UXS1: variants seen among roughly 807,000 people sequenced by gnomAD.
UXS1 encodes the protein UDP-glucuronate decarboxylase 1, also known as UDP-glucuronic acid decarboxylase 1.
In UXS1, 33 loss-of-function variants were observed where a neutral mutation model predicts 62.6. The observed-to-expected ratio is 0.53, with a 90% CI of 0.40 to 0.70. The LOEUF (loss-of-function observed/expected upper bound fraction) is 0.70, where lower values mean the gene tolerates loss of function less well. Ranked by LOEUF, UXS1 falls within the 30% of genes least tolerant of loss-of-function variation. The pLI is 0.00. For missense variants in UXS1, 434 were observed against 556.3 expected (o/e 0.78, Z 2.21); for synonymous variants, 213 against 206.8 (o/e 1.03, Z -0.26).
intron 6 of UXS1, among the ~76,000 whole-genome samples, chr2:106,139,753 T>A (rs1304245169): frequency 3.3e-5 from 5 of 152,222 alleles, no homozygotes; most frequent in Non-Finnish European, 7.3e-5. Context: ...CCATGCTGTA[T>A]GAAACTGCCA....
chr2:106,144,852 C>T (rs1681433183), intron 6 of UXS1, among the ~76,000 whole-genome samples: 1 of 152,182 alleles, frequency 6.6e-6, no homozygotes. Flanking sequence ...CCTCCTAATA[C>T]CATCACTGTG....
chr2:106,142,912 TG>T (rs1681236572), intron 6 of UXS1, among the ~76,000 whole-genome samples: 1 of 135,304 alleles, frequency 7.4e-6, no homozygotes, highest in African/African-American at 2.7e-5. Context: ...TGGGTGTGTG[TG>T]TTTGCATGTA....
In UXS1 at chr2:106,127,861, C is replaced by A. The variant is rs139461518; in HGVS notation, c.577+1813G>T. ...ATTCAATCTCAGTCATAGCTCAAGC[C>A]CTAGCTCGAGTCATTTTTGCCTTTA... On this transcript the variant is annotated intron_variant, in intron 7 of 14. Coordinates refer to ENST00000283148, the MANE Select transcript of UXS1 (RefSeq NM_001253875.2). Among the ~76,000 whole-genome samples the A allele has an allele frequency of 5.6e-3, 846 of 152,298 alleles. 13 individuals are homozygous for A. Among genetic ancestry groups the A allele is most frequent in the African/African-American group, 0.02 (813 of 41,546 alleles).
intron 5 of UXS1, chr2:106,145,624 T>C (rs998333278): frequency 9.0e-5 from 34 of 376,388 alleles, no homozygotes; most frequent in African/African-American, 2.5e-4. Flanking sequence ...AGAAAAATCA[T>C]AGTTACAAAT....
At chr2:106,191,046 A>AG (rs369344589) in intron 1 of UXS1, among the ~76,000 whole-genome samples, 4 of 152,150 alleles carry the variant, frequency 2.6e-5, no homozygotes, top group African/African-American at 4.8e-5. Flanking sequence ...GATTTCATTG[A>AG]GAAAAAAAAG....
Position 106,096,792 on chromosome 2 carries a change from C to T in UXS1, c.1072G>A (p.Glu358Lys), listed in dbSNP as rs1558668575. Residue 358 changes from glutamate to lysine, a missense_variant, in exon 14 of 15, where the codon GAA becomes AAA. Coordinates refer to ENST00000283148, the MANE Select transcript of UXS1 (RefSeq NM_001253875.2). ...GSGSEIQFLS[E>K]AQDDPQKRKP... ...CTTTTCTGTGGGTCATCCTGGGCTT[C>T]GGAGAGAAACTGAATTTCACTTCCG... 10 of 1,591,492 alleles carry T rather than the reference C, an allele frequency of 6.3e-6. No homozygotes were observed. Among genetic ancestry groups the T allele is most frequent in the East Asian group, 2.3e-5 (1 of 44,316 alleles).
At chr2:106,111,358 C>G (rs757584586) in intron 10 of UXS1, among the ~76,000 whole-genome samples, 12 of 152,156 alleles carry the variant, frequency 7.9e-5, no homozygotes, top group Non-Finnish European at 1.5e-4. Flanking sequence ...CTGGCATGGG[C>G]TGTTGGGAGC....
intron 1 of UXS1, among the ~76,000 whole-genome samples, chr2:106,190,756 A>AAAG (rs1234616300): frequency 1.3e-4 from 19 of 151,430 alleles, no homozygotes; most frequent in Admixed American, 5.3e-4. Flanking sequence ...AAAAAAAAAA[A>AAAG]AAAGAAATGA....
chr2:106,180,931 G>C lies in UXS1; in HGVS notation c.94+13217C>G, dbSNP rs535724473. On this transcript the variant is annotated intron_variant, in intron 1 of 14. Coordinates refer to ENST00000283148, the MANE Select transcript of UXS1 (RefSeq NM_001253875.2). Reference sequence around the variant, plus strand: ...TCTTTTGCCTTTTTCTACTTAAAGAGATGTAGGCTCCACCTAAGGATATGT... The same window carrying C: ...TCTTTTGCCTTTTTCTACTTAAAGACATGTAGGCTCCACCTAAGGATATGT... Among the ~76,000 whole-genome samples, 21 of 152,278 alleles carry C rather than the reference G, an allele frequency of 1.4e-4. 1 individual carries two copies. Among genetic ancestry groups the C allele is most frequent in the African/African-American group, 3.8e-4 (16 of 41,562 alleles).
intron 5 of UXS1, among the ~76,000 whole-genome samples, chr2:106,151,007 G>A (rs1410688941): frequency 6.6e-6 from 1 of 152,206 alleles, no homozygotes; most frequent in Admixed American, 6.5e-5. Context: ...CTTGGGACCA[G>A]TTACCCTGTT....
chr2:106,171,404 T>G (rs73951240), intron 1 of UXS1, among the ~76,000 whole-genome samples: 195 of 152,336 alleles, frequency 1.3e-3, no homozygotes, highest in African/African-American at 4.5e-3. Context: ...TGGATCTCCA[T>G]GGATCCCTGA....
At chr2:106,158,496 T>A (rs918849580) in intron 4 of UXS1, among the ~76,000 whole-genome samples, 6 of 152,192 alleles carry the variant, frequency 3.9e-5, no homozygotes, top group African/African-American at 4.8e-5. Flanking sequence ...ATGAGAGAAA[T>A]CTAATATGAC....
chr2:106,126,388 G>A (rs1327048356), intron 7 of UXS1, among the ~76,000 whole-genome samples: 2 of 52,830 alleles, frequency 3.8e-5, no homozygotes, highest in Non-Finnish European at 1.3e-4. Flanking sequence ...CTTAAGACAG[G>A]CGACATACCC....
intron 9 of UXS1, among the ~76,000 whole-genome samples, chr2:106,114,864 C>A (rs1394189947): frequency 6.6e-6 from 1 of 152,202 alleles, no homozygotes; most frequent in Non-Finnish European, 1.5e-5. Flanking sequence ...ACTCATGAAG[C>A]CTAAACTCCT....
At chr2:106,163,578 G>C (rs1048115511) in intron 4 of UXS1, 89 bp downstream of exon 4, 2 of 848,756 alleles carry the variant, frequency 2.4e-6, no homozygotes, top group Admixed American at 5.3e-5. Context: ...ATTTAGGTTG[G>C]CAGAGTTTGG....
intron 5 of UXS1, among the ~76,000 whole-genome samples, chr2:106,151,701 T>A (rs747856600): frequency 8.5e-5 from 13 of 152,290 alleles, no homozygotes; most frequent in Non-Finnish European, 1.0e-4. Flanking sequence ...ATTAAAAAAA[T>A]TAACTTTTCT....
intron 1 of UXS1, chr2:106,179,605 A>T (rs1424528898): frequency 1.2e-4 from 19 of 152,252 alleles, no homozygotes; most frequent in Non-Finnish European, 1.5e-5. Flanking sequence ...AAAGCTTTAA[A>T]GTTCTAAATA....
intron 8 of UXS1, among the ~76,000 whole-genome samples, chr2:106,123,642 T>G (rs1002068985): frequency 1.3e-5 from 2 of 152,298 alleles, no homozygotes; most frequent in East Asian, 3.9e-4. Context: ...CTAGCCCTCA[T>G]TTTACACTCC....
At chr2:106,173,588 A>C (rs1333452430) in intron 1 of UXS1, among the ~76,000 whole-genome samples, 1 of 152,178 alleles carries the variant, frequency 6.6e-6, no homozygotes, top group African/African-American at 2.4e-5. Flanking sequence ...AACTCTATTA[A>C]AAGAGCCAGA....
Sources: gnomAD v4.1 joint callset for allele counts (sites outside exome capture counted in the v4.1 genomes callset) on GRCh38, gnomAD v4.1.1 for gene constraint, MANE v1.5 for transcripts, NCBI Gene and HGNC (gene_info 2026-07-23, HGNC 2026-07-21) for gene names.